CEP19: variants seen among roughly 807,000 people sequenced by gnomAD.
CEP19 encodes the protein centrosomal protein of 19 kDa.
CEP19 carries 14 observed loss-of-function variants against 17.5 expected under a neutral mutation model. That is an observed-to-expected ratio of 0.80 (90% CI 0.53 to 1.25). The LOEUF (loss-of-function observed/expected upper bound fraction) is 1.25. CEP19 is among the 50% of genes most tolerant of loss of function. The pLI, the probability that CEP19 is intolerant of heterozygous loss-of-function variation, is 0.00. For synonymous variants in CEP19, 59 were observed against 65.5 expected (o/e 0.90, Z 0.48); for missense variants, 193 against 192.0 (o/e 1.01, Z -0.03).
chr3:196,707,917 G>A lies in CEP19; in HGVS notation c.131-5C>T, dbSNP rs754400979. On this transcript the variant is annotated splice_region_variant and splice_polypyrimidine_tract_variant and intron_variant, in intron 2 of 2. Transcript: ENST00000409690. ...GTTCAGCAGCTCTGGTGCAATCTGG[G>A]AGAGAGAAGAAAACTATATACCACA... 6.2e-7 allele frequency: 1 copy of A among 1,606,302 alleles called. No homozygotes were observed. The highest frequency in any genetic ancestry group is 8.5e-7 in the Non-Finnish European group (1 of 1,179,042).
rs1247639222 is a variant in CEP19 at position 196,707,630 on chromosome 3, T to C, written c.413A>G (p.Tyr138Cys). ...CTGTGGAAATTCAACCTCAATGTCA[T>C]AAACAAAATTTGGATCATCCTTCTT... ...QKKKDDPNFVYDIEVEFPQDD... is the reference protein window; with the variant it reads ...QKKKDDPNFVCDIEVEFPQDD... The change falls in exon 3 of 3, where the codon TAT (tyrosine) becomes TGT (cysteine). Residue 138 changes from tyrosine (Y) to cysteine (C), a missense_variant. Physicochemically the swap from Tyr to Cys is radical, Grantham distance 194 (BLOSUM62 -2). Coordinates refer to ENST00000409690, the MANE Select transcript of CEP19 (RefSeq NM_032898.5). 5.6e-6 allele frequency: 9 copies of C among 1,613,962 alleles called. No individual in the cohort carries two copies. Among genetic ancestry groups the C allele is most frequent in the Non-Finnish European group, 7.6e-6 (9 of 1,180,016 alleles).
intron 1 of CEP19, among the ~76,000 whole-genome samples, chr3:196,710,176 G>A (rs1432362723): frequency 6.6e-6 from 1 of 152,086 alleles, no homozygotes; most frequent in Non-Finnish European, 1.5e-5. Flanking sequence ...ACTGCTAAAT[G>A]TTTTATTTTA....
At chr3:196,708,900 G>A (rs567664995) in intron 1 of CEP19, 173 bp from the exon 2 acceptor site, 138 of 488,574 alleles carry the variant, frequency 2.8e-4, no homozygotes, top group South Asian at 1.2e-3. Context: ...TCATCCTTGC[G>A]CAGGGGCCAT....
rs1049706251 is a variant in CEP19 at position 196,708,790 on chromosome 3, CAGA to C, written c.-70-66_-70-64del. The C allele has an allele frequency of 5.5e-6, 5 of 905,592 alleles. No individual in the cohort carries two copies. The Admixed American group carries it at 7.9e-5, about 14-fold the overall frequency. The allele number at this position is 905,592 out of a possible 1,614,324, so 56.1% of individuals were successfully genotyped here. On this transcript the variant is annotated intron_variant, in intron 1 of 2. Coordinates refer to ENST00000409690, the MANE Select transcript of CEP19 (RefSeq NM_032898.5). ...ATTCATTCCCCTCGCCCCTTTGCCC[CAGA>C]AGATCTGGTTCTAGTCCGGCTCTGG...
At position 196,712,002 on chromosome 3, in the gene CEP19, A is replaced by G; in HGVS notation, c.-144T>C. ...AACCAGGAGTGGGTTTTTCCACCCAACCGCAGTGCACGCAAAGCCCCTAAG... is the reference window on the plus strand; with the variant it reads ...AACCAGGAGTGGGTTTTTCCACCCAGCCGCAGTGCACGCAAAGCCCCTAAG... On this transcript the variant is annotated 5_prime_UTR_variant, in exon 1 of 3. Transcript: ENST00000409690. The G allele has an allele frequency of 4.2e-6, 3 of 717,288 alleles. No individual in the cohort carries two copies. Among genetic ancestry groups the G allele is most frequent in the Non-Finnish European group, 7.8e-6 (3 of 385,032 alleles). 44.4% of individuals were successfully genotyped at this position (717,288 alleles called of 1,614,324 possible). A position where few individuals can be genotyped will look rare whatever the true frequency, so the allele number is the denominator to read the frequency against.
intron 1 of CEP19, 126 bp from the exon 2 acceptor site, chr3:196,708,853 T>TA (rs1012031303): frequency 1.8e-6 from 1 of 562,572 alleles, no homozygotes; most frequent in Non-Finnish European, 3.1e-6. Flanking sequence ...TCATTTTTTT[T>TA]AAAATTAAAA....
intron 1 of CEP19, among the ~76,000 whole-genome samples, chr3:196,710,096 C>T (rs1022119036): frequency 2.6e-5 from 4 of 152,100 alleles, no homozygotes; most frequent in African/African-American, 4.8e-5. Flanking sequence ...TATTTCCTGA[C>T]GTTCAAATTT....
At position 196,708,682 on chromosome 3, in the gene CEP19, C is replaced by T. The variant is rs377547534; in HGVS notation, c.-25G>A. On this transcript the variant is annotated 5_prime_UTR_variant, in exon 2 of 3. An upstream open reading frame in the 5' UTR loses its in-frame stop. Transcript: ENST00000409690. ...TTCCCATGTACATGTCCGGGTAAGT[C>T]AGAGGAAATCTGATGAATATGTGTA... The T allele has an allele frequency of 1.1e-4, 180 of 1,611,382 alleles. No homozygotes were observed. The highest frequency in any genetic ancestry group is 6.6e-4 in the Middle Eastern group (4 of 6,074).
Position 196,707,668 on chromosome 3 carries a change from C to G in CEP19, c.375G>C (p.Glu125Asp). 1 of 1,614,094 alleles carries G rather than the reference C, an allele frequency of 6.2e-7. No homozygotes were observed. Among genetic ancestry groups the G allele is most frequent in the African/African-American group, 1.3e-5 (1 of 75,038 alleles). Residue 125 changes from glutamate to aspartate, a missense_variant, in exon 3 of 3, where the codon GAG becomes GAC. Glu to Asp is a conservative substitution (Grantham distance 45). Coordinates refer to ENST00000409690, the MANE Select transcript of CEP19 (RefSeq NM_032898.5). ...GATCATCCTTCTTCTTCTGATTTTT[C>G]TCAAAAAGTTCATCCATGATGCTCT... Reference protein sequence around the residue: ...KRKSIMDELFEKNQKKKDDPN... With the variant: ...KRKSIMDELFDKNQKKKDDPN...
At chr3:196,711,071 C>CT (rs1412422044) in intron 1 of CEP19, among the ~76,000 whole-genome samples, 1 of 150,418 alleles carries the variant, frequency 6.6e-6, no homozygotes, top group East Asian at 1.9e-4. Context: ...TGGCTGTACT[C>CT]GTCAAAGATG....
chr3:196,707,479 C>G lies in CEP19; in HGVS notation c.*72G>C. On this transcript the variant is annotated 3_prime_UTR_variant, in exon 3 of 3. Coordinates refer to ENST00000409690, the MANE Select transcript of CEP19 (RefSeq NM_032898.5). The stretch of plus-strand genomic sequence containing the variant: ...CCAACATATTTAGTATTCTTTACAG[C>G]TTCTTCCAGAACCAGTCTGGTAATA... The G allele has an allele frequency of 6.8e-7, 1 of 1,478,556 alleles. No individual in the cohort carries two copies. Among genetic ancestry groups the G allele is most frequent in the Non-Finnish European group, 9.1e-7 (1 of 1,104,772 alleles). 91.6% of individuals were successfully genotyped at this position (1,478,556 alleles called of 1,614,324 possible). A position where few individuals can be genotyped will look rare whatever the true frequency, so the allele number is the denominator to read the frequency against.
chr3:196,711,154 C>T (rs1265902995), intron 1 of CEP19, among the ~76,000 whole-genome samples: 1 of 151,190 alleles, frequency 6.6e-6, no homozygotes, highest in Non-Finnish European at 1.5e-5. Context: ...TTAATTTTTG[C>T]TAAAGTAATG....
intron 1 of CEP19, 100 bp from the exon 2 acceptor site, chr3:196,708,827 G>A (rs45475691): frequency 1.0e-4 from 63 of 621,750 alleles, no homozygotes; most frequent in South Asian, 6.7e-4. Context: ...GGCCACACAC[G>A]CTCAGCCTGT....
intron 1 of CEP19, among the ~76,000 whole-genome samples, chr3:196,710,711 A>G (rs547224193): frequency 6.6e-6 from 1 of 152,144 alleles, no homozygotes; most frequent in South Asian, 2.1e-4. Context: ...GCATGGCAGC[A>G]TGCACCTGTA....
At chr3:196,710,861 A>G (rs1044290198) in intron 1 of CEP19, among the ~76,000 whole-genome samples, 1 of 149,672 alleles carries the variant, frequency 6.7e-6, no homozygotes, top group African/African-American at 2.4e-5. Flanking sequence ...AAAAAAAAAA[A>G]AAAAAAACTA....
Position 196,706,892 on chromosome 3 carries a change from C to T in CEP19, c.*659G>A, listed in dbSNP as rs529935439. ...TCTTTACTAAAGGACAAAGTCTTCCCTTACTATTCTACTCTACAGTAATAT... is the reference window on the plus strand; with the variant it reads ...TCTTTACTAAAGGACAAAGTCTTCCTTTACTATTCTACTCTACAGTAATAT... On this transcript the variant is annotated 3_prime_UTR_variant, in exon 3 of 3. Coordinates refer to ENST00000409690, the MANE Select transcript of CEP19 (RefSeq NM_032898.5). 6.6e-6 allele frequency: 1 copy of T among 152,312 alleles called. No individual in the cohort carries two copies. The highest frequency in any genetic ancestry group is 1.9e-4 in the East Asian group (1 of 5,188). The allele number at this position is 152,312 out of a possible 1,614,324, so 9.4% of individuals were successfully genotyped here.
In CEP19 at chr3:196,707,868, T is replaced by C; in HGVS notation, c.175A>G (p.Lys59Glu). 1 of 1,613,542 alleles carries C rather than the reference T, an allele frequency of 6.2e-7. No homozygotes were observed. Among genetic ancestry groups the C allele is most frequent in the Admixed American group, 1.7e-5 (1 of 60,018 alleles). ...AGGGATACTTGTTCTAGGTAACTCT[T>C]GTGTCGCGGATTATTCTTTAATTGT... ...AEQLKNNPRH[K>E]SYLEQVSLRQ... Residue 59 changes from lysine (K) to glutamate (E), a missense_variant, in exon 3 of 3, where the codon AAG becomes GAG. Lys to Glu is a moderately conservative substitution (Grantham distance 56). Coordinates refer to ENST00000409690, the MANE Select transcript of CEP19 (RefSeq NM_032898.5).
Position 196,707,830 on chromosome 3 carries a change from C to T in CEP19, c.213G>A (p.Glu71=), listed in dbSNP as rs1282542841. Residue 71 remains glutamate (E), a synonymous_variant, in exon 3 of 3, where the codon GAG becomes GAA. Transcript: ENST00000409690. ...AACCTCGTAAAAAACTGAATAGCTT[C>T]TCTAGCTGCCTCAGGGATACTTGTT... ...YLEQVSLRQL[E]KLFSFLRGYL... is the part of the protein sequence containing the mutation. The T allele has an allele frequency of 6.2e-7, 1 of 1,614,138 alleles. No homozygotes were observed. The highest frequency in any genetic ancestry group is 1.3e-5 in the African/African-American group (1 of 75,054).
chr3:196,708,368 G>GAA (rs199550275), intron 2 of CEP19, among the ~76,000 whole-genome samples, 160 bp downstream of exon 2: 1 of 151,986 alleles, frequency 6.6e-6, no homozygotes, highest in African/African-American at 2.4e-5. Flanking sequence ...TATCAGATTG[G>GAA]AAAAAAACAC....
Sources: gnomAD v4.1 joint callset for allele counts (sites outside exome capture counted in the v4.1 genomes callset) on GRCh38, gnomAD v4.1.1 for gene constraint, MANE v1.5 for transcripts, NCBI Gene and HGNC (gene_info 2026-07-23, HGNC 2026-07-21) for gene names.